Variants in SEC22B observed in about 807,000 individuals in gnomAD.
The protein encoded by SEC22B is SEC22 homolog B, vesicle trafficking protein.
A neutral mutation model predicts 31.4 loss-of-function variants in SEC22B; 10 were observed. The ratio of observed to expected loss-of-function variants is 0.32; its 90% CI spans 0.20 to 0.54. The LOEUF (loss-of-function observed/expected upper bound fraction) is 0.54. Ranked by LOEUF, SEC22B falls within the 20% of genes least tolerant of loss-of-function variation. The pLI, the probability that SEC22B is intolerant of heterozygous loss-of-function variation, is 0.94. For missense variants in SEC22B, 130 were observed against 263.4 expected, an observed-to-expected ratio of 0.49 and a Z score of 3.50; for synonymous variants, 60 against 95.9, an observed-to-expected ratio of 0.63 and a Z score of 2.19.
At chr1:120,175,641 C>T (rs1248566069) in intron 1 of SEC22B, among the ~76,000 whole-genome samples, 3 of 152,158 alleles carry the variant, frequency 2.0e-5, no homozygotes, top group Admixed American at 2.0e-4. Flanking sequence ...TGAGCACCTA[C>T]TAGCATAAAG....
At chr1:120,169,320 C>A (rs1287618448) in intron 1 of SEC22B, among the ~76,000 whole-genome samples, 1 of 151,972 alleles carries the variant, frequency 6.6e-6, no homozygotes, top group Non-Finnish European at 1.5e-5. Context: ...ATCCTAGGAA[C>A]AAGATTGGTG....
At chr1:120,164,424 C>T (rs1657773291) in intron 2 of SEC22B, among the ~76,000 whole-genome samples, 1 of 141,338 alleles carries the variant, frequency 7.1e-6, no homozygotes, top group South Asian at 2.4e-4. Flanking sequence ...TCAACCCCTG[C>T]CCCCTCCTTC....
intron 2 of SEC22B, among the ~76,000 whole-genome samples, chr1:120,165,248 T>G (rs1657788281): frequency 6.6e-6 from 1 of 152,114 alleles, no homozygotes; most frequent in Admixed American, 6.5e-5. Context: ...TTTCTGTGGA[T>G]AGAAATGTAA....
Position 120,160,449 on chromosome 1 carries a change from T to C in SEC22B, c.428A>G (p.Gln143Arg). 1.2e-6 allele frequency: 2 copies of C among 1,612,510 alleles called. No individual in the cohort carries two copies. The highest frequency in any genetic ancestry group is 2.2e-5 in the South Asian group (2 of 90,754). ...RNLGSINTELQDVQRIMVANI... is the reference protein window; with the variant it reads ...RNLGSINTELRDVQRIMVANI... ...GGCCACCATGATCCTCTGCACATCT[T>C]GCAATTCAGTGTTGATGGAGCCTAG... The change falls in exon 4 of 5, where the codon CAA (glutamine) becomes CGA (arginine). Residue 143 changes from glutamine (Q) to arginine (R), a missense_variant. Gln to Arg is a conservative substitution (Grantham distance 43). Transcript: ENST00000578049.
chr1:120,159,459 T>C (rs1286726114), intron 4 of SEC22B: 1 of 150,588 alleles, frequency 6.6e-6, no homozygotes, highest in Non-Finnish European at 1.5e-5. Flanking sequence ...TATAAAAATA[T>C]TTAATTATCC....
Position 120,155,708 on chromosome 1 carries a change from A to G in SEC22B, c.*1330T>C, listed in dbSNP as rs1202133198. On this transcript the variant is annotated 3_prime_UTR_variant, in exon 5 of 5. Transcript: ENST00000578049. ...TTAAAGAAATATTTGCAGTATGTAC[A>G]GGAATTTTAAGTTATATTGCAGACC... 1 of 151,996 alleles carries G rather than the reference A, an allele frequency of 6.6e-6. No homozygotes were observed. Among genetic ancestry groups the G allele is most frequent in the African/African-American group, 2.4e-5 (1 of 41,394 alleles). The allele number at this position is 151,996 out of a possible 1,614,324, so 9.4% of individuals were successfully genotyped here.
rs587750378 is a variant in SEC22B, at chr1:120,150,991, A to G, written c.*6047T>C. 1 of 152,350 alleles carries G rather than the reference A, an allele frequency of 6.6e-6. No homozygotes were observed. The highest frequency in any genetic ancestry group is 2.1e-4 in the South Asian group (1 of 4,832). 9.4% of individuals were successfully genotyped at this position (152,350 alleles called of 1,614,324 possible). A position where few individuals can be genotyped will look rare whatever the true frequency, so the allele number is the denominator to read the frequency against. On this transcript the variant is annotated 3_prime_UTR_variant, in exon 5 of 5. Transcript: ENST00000578049. ...ACCATTCCCAGGAGAACCCAGTCTCAGTGTCAAGAGAAAGATGTTAATCCA... is the reference window on the plus strand; with the variant it reads ...ACCATTCCCAGGAGAACCCAGTCTCGGTGTCAAGAGAAAGATGTTAATCCA...
At chr1:120,172,972 A>C (rs1285012736) in intron 1 of SEC22B, among the ~76,000 whole-genome samples, 1 of 150,846 alleles carries the variant, frequency 6.6e-6, no homozygotes, top group Non-Finnish European at 1.5e-5. Context: ...CTGTCACCTA[A>C]GACTGCTGAA....
At chr1:120,164,046 A>G (rs1269246072) in intron 2 of SEC22B, among the ~76,000 whole-genome samples, 23,100 of 109,588 alleles carry the variant, frequency 0.21, 3,082 homozygotes, top group African/African-American at 0.45. Context: ...AGCAATCTCC[A>G]CCTCCCAGGT....
Position 120,176,397 on chromosome 1 carries a change from G to A in SEC22B, c.-16C>T, listed in dbSNP as rs1657965745. ...GCAACACCATCTTCACAAACTACAG[G>A]GATCCAACACTGGCCCGGAAGGCCC... On this transcript the variant is annotated 5_prime_UTR_variant, in exon 1 of 5. Transcript: ENST00000578049. The A allele has an allele frequency of 1.9e-6, 3 of 1,612,962 alleles. No homozygotes were observed. The highest frequency in any genetic ancestry group is 2.5e-6 in the Non-Finnish European group (3 of 1,179,368).
chr1:120,176,227 G>A (rs1176174437), intron 1 of SEC22B, 80 bp downstream of exon 1: 4 of 1,388,596 alleles, frequency 2.9e-6, no homozygotes, highest in Non-Finnish European at 3.0e-6. Flanking sequence ...AGGTCTCCCG[G>A]TCCTAGGAAG....
chr1:120,170,998 AAAAG>A (rs1657888901), intron 1 of SEC22B, among the ~76,000 whole-genome samples: 1 of 119,022 alleles, frequency 8.4e-6, no homozygotes, highest in Admixed American at 7.4e-5. Context: ...TTTAATAAAA[AAAAG>A]AAATATTTTT....
At chr1:120,161,931 A>G (rs1657725053) in intron 3 of SEC22B, among the ~76,000 whole-genome samples, 1 of 130,214 alleles carries the variant, frequency 7.7e-6, no homozygotes. Context: ...GCGCCTCAAG[A>G]CTCCTTGCTC....
At position 120,163,844 on chromosome 1, in the gene SEC22B, C is replaced by T. The variant is rs1484996777; in HGVS notation, c.186-474G>A. 1.4e-4 allele frequency among the ~76,000 whole-genome samples: 21 copies of T among 151,048 alleles called. No homozygotes were observed. In the East Asian group the frequency reaches 3.1e-3, roughly 23 times the overall value. ...CCGCCCGCCTCAGCCTCCCAAAGTGCTGGGATTACAGGCGTGAGCCACTGC... is the reference window on the plus strand; with the variant it reads ...CCGCCCGCCTCAGCCTCCCAAAGTGTTGGGATTACAGGCGTGAGCCACTGC... On this transcript the variant is annotated intron_variant, in intron 2 of 4. Transcript: ENST00000578049.
At chr1:120,166,137 A>T (rs1174276007) in intron 2 of SEC22B, among the ~76,000 whole-genome samples, 1 of 147,576 alleles carries the variant, frequency 6.8e-6, no homozygotes, top group Non-Finnish European at 1.5e-5. Flanking sequence ...AAAGTCAATA[A>T]ATGCTGTTGA....
At chr1:120,175,858 AAT>A in intron 1 of SEC22B, among the ~76,000 whole-genome samples, 2 of 152,350 alleles carry the variant, frequency 1.3e-5, no homozygotes, top group Non-Finnish European at 2.9e-5. Flanking sequence ...TTTATGTGGC[AAT>A]ATTACCTCAC....
At position 120,160,483 on chromosome 1, in the gene SEC22B, G is replaced by A. The variant is rs1221933546; in HGVS notation, c.394C>T (p.Arg132Ter). ...GTGTTGATGGAGCCTAGATTTCTTCGAGCACGACTGTCAATGTAGAGCTTC... is the reference window on the plus strand; with the variant it reads ...GTGTTGATGGAGCCTAGATTTCTTCAAGCACGACTGTCAATGTAGAGCTTC... ...TKKLYIDSRARRNLGSINTEL... is the reference protein window; with the variant it reads ...TKKLYIDSRA Residue 132 changes from arginine to a stop codon, truncating the protein, a stop_gained, in exon 4 of 5, where the codon CGA becomes TGA. Transcript: ENST00000578049. LOFTEE classifies it high-confidence loss of function. The A allele has an allele frequency of 3.1e-6, 5 of 1,607,342 alleles. No individual in the cohort carries two copies. Among genetic ancestry groups the A allele is most frequent in the Non-Finnish European group, 3.4e-6 (4 of 1,176,340 alleles).
At chr1:120,171,386 T>C (rs1657893003) in intron 1 of SEC22B, among the ~76,000 whole-genome samples, 1 of 104,520 alleles carries the variant, frequency 9.6e-6, no homozygotes, top group Non-Finnish European at 1.7e-5. Context: ...TATAAGAAAC[T>C]GGCCAAAAGC....
At chr1:120,160,824 G>T (rs1176651403) in intron 3 of SEC22B, among the ~76,000 whole-genome samples, 1 of 151,350 alleles carries the variant, frequency 6.6e-6, no homozygotes, top group Admixed American at 6.6e-5. Context: ...GGGAGGCAGA[G>T]GTTGCAGTGA....
Sources: allele counts gnomAD v4.1 joint callset (sites outside exome capture counted in the v4.1 genomes callset), GRCh38; gene constraint gnomAD v4.1.1; transcripts MANE v1.5; gene names NCBI Gene and HGNC (gene_info 2026-07-23, HGNC 2026-07-21).